SGCZ: variants seen among roughly 807,000 people sequenced by gnomAD.
The protein encoded by SGCZ is zeta-sarcoglycan.
SGCZ carries 40 observed loss-of-function variants against 41.3 expected under a neutral mutation model. That is an observed-to-expected ratio of 0.97 (90% CI 0.75 to 1.26). The LOEUF (loss-of-function observed/expected upper bound fraction) is 1.26. Ranked by LOEUF, SGCZ falls within the 50% of genes most tolerant of loss-of-function variation. The pLI, the probability that SGCZ is intolerant of heterozygous loss-of-function variation, is 0.00. For synonymous variants in SGCZ, 206 were observed against 137.5 expected (o/e 1.50, Z -3.49); for missense variants, 552 against 369.8 (o/e 1.49, Z -4.04).
At chr8:14,895,051 G>T (rs1805143410) in intron 1 of SGCZ, among the ~76,000 whole-genome samples, 1 of 152,136 alleles carries the variant, frequency 6.6e-6, no homozygotes, top group African/African-American at 2.4e-5. Flanking sequence ...GTTGTATTAG[G>T]AATAACATGA....
chr8:14,407,232 C>G (rs141604983), intron 2 of SGCZ, among the ~76,000 whole-genome samples: 2 of 151,890 alleles, frequency 1.3e-5, no homozygotes, highest in East Asian at 3.9e-4. Context: ...CCATGCCCAG[C>G]TAATTTTTAT....
intron 2 of SGCZ, among the ~76,000 whole-genome samples, chr8:14,542,461 G>C (rs563560115): frequency 2.0e-5 from 3 of 152,126 alleles, no homozygotes; most frequent in Non-Finnish European, 4.4e-5. Context: ...GAAACAAAAG[G>C]AAACCTTACA....
intron 3 of SGCZ, among the ~76,000 whole-genome samples, chr8:14,281,306 G>A (rs1450552411): frequency 6.6e-6 from 1 of 151,802 alleles, no homozygotes; most frequent in Non-Finnish European, 1.5e-5. Context: ...TTATGTGCTA[G>A]GCCTTAGGTC....
chr8:14,351,057 T>C (rs1349304491), intron 2 of SGCZ, among the ~76,000 whole-genome samples: 1 of 152,142 alleles, frequency 6.6e-6, no homozygotes, highest in Admixed American at 6.6e-5. Flanking sequence ...ACTTCTGCAA[T>C]ACTTCTGTAG....
chr8:14,228,765 T>G (rs896603911), intron 4 of SGCZ, among the ~76,000 whole-genome samples: 1 of 152,094 alleles, frequency 6.6e-6, no homozygotes, highest in Admixed American at 6.6e-5. Context: ...CCCTCAAGAC[T>G]AGAATTACTT....
At chr8:14,802,745 C>T (rs950763793) in intron 1 of SGCZ, among the ~76,000 whole-genome samples, 1 of 151,990 alleles carries the variant, frequency 6.6e-6, no homozygotes. Flanking sequence ...ATTGTGGAGC[C>T]CTAAGGAGTT....
At chr8:14,129,942 C>G (rs1012910577) in intron 5 of SGCZ, among the ~76,000 whole-genome samples, 2 of 152,100 alleles carry the variant, frequency 1.3e-5, no homozygotes, top group Non-Finnish European at 2.9e-5. Flanking sequence ...CAATGCAATC[C>G]TTATCAAAAT....
chr8:14,722,460 T>G (rs76079150), intron 1 of SGCZ, among the ~76,000 whole-genome samples: 9,318 of 152,100 alleles, frequency 0.061, 820 homozygotes, highest in African/African-American at 0.2. Flanking sequence ...ATTATTATAA[T>G]AAAACAAAAT....
intron 1 of SGCZ, among the ~76,000 whole-genome samples, chr8:14,785,652 A>T (rs1800746573): frequency 6.6e-6 from 1 of 152,176 alleles, no homozygotes; most frequent in Non-Finnish European, 1.5e-5. Flanking sequence ...CAGTACCATA[A>T]CTTTAAAGAT....
At chr8:14,839,520 C>T (rs1802826986) in intron 1 of SGCZ, among the ~76,000 whole-genome samples, 1 of 152,136 alleles carries the variant, frequency 6.6e-6, no homozygotes, top group African/African-American at 2.4e-5. Context: ...GTAATTATAA[C>T]CAAAGCACTA....
At chr8:14,880,507 T>A (rs536905213) in intron 1 of SGCZ, among the ~76,000 whole-genome samples, 1 of 152,264 alleles carries the variant, frequency 6.6e-6, no homozygotes, top group South Asian at 2.1e-4. Context: ...CGCACACGTA[T>A]GTTTACTGCG....
At position 14,769,627 on chromosome 8, in the gene SGCZ, A is replaced by G. The variant is rs189219568; in HGVS notation, c.40-214701T>C. On this transcript the variant is annotated intron_variant, in intron 1 of 7. Coordinates refer to ENST00000382080, the MANE Select transcript of SGCZ (RefSeq NM_139167.4). ...GCCAGCATGGCGAAACCCAGTCTCT[A>G]CTAAAAATACAAAAATTAGCTGGGC... is the stretch of plus-strand genomic sequence containing the variant. 1.8e-3 allele frequency among the ~76,000 whole-genome samples: 272 copies of G among 152,012 alleles called. 5 individuals are homozygous for G. The highest frequency in any genetic ancestry group is 6.2e-3 in the African/African-American group (257 of 41,448).
At chr8:14,193,954 C>T (rs1471263924) in intron 4 of SGCZ, among the ~76,000 whole-genome samples, 2 of 151,612 alleles carry the variant, frequency 1.3e-5, no homozygotes, top group Non-Finnish European at 3.0e-5. Flanking sequence ...GACAATGAAA[C>T]TGGAGGGATA....
At chr8:14,744,968 A>G (rs182701613) in intron 1 of SGCZ, among the ~76,000 whole-genome samples, 10 of 152,262 alleles carry the variant, frequency 6.6e-5, no homozygotes, top group Non-Finnish European at 8.8e-5. Context: ...TCCTTGAAGG[A>G]ATGTTTTACT....
intron 1 of SGCZ, among the ~76,000 whole-genome samples, chr8:14,790,630 C>T (rs114241780): frequency 1.3e-3 from 192 of 152,060 alleles, no homozygotes; most frequent in African/African-American, 4.1e-3. Context: ...TCCAATAATA[C>T]GGAGATAGTT....
At chr8:14,146,890 A>AAAAAAAAAT (rs1182329393) in intron 5 of SGCZ, among the ~76,000 whole-genome samples, 1 of 116,184 alleles carries the variant, frequency 8.6e-6, no homozygotes, top group African/African-American at 3.6e-5. Context: ...AAAATAAAAA[A>AAAAAAAAAT]AATAATAATA....
chr8:15,126,656 G>A (rs1182940600), intron 1 of SGCZ, among the ~76,000 whole-genome samples: 1 of 152,222 alleles, frequency 6.6e-6, no homozygotes, highest in Admixed American at 6.5e-5. Flanking sequence ...AAAATGCCCA[G>A]TGTTGGGTAG....
chr8:15,108,789 A>G (rs999491895), intron 1 of SGCZ, among the ~76,000 whole-genome samples: 3 of 152,304 alleles, frequency 2.0e-5, no homozygotes, highest in Admixed American at 2.0e-4. Flanking sequence ...GAATACGTCT[A>G]TGCTGTGTGG....
chr8:14,946,834 C>T (rs1012301227), intron 1 of SGCZ, among the ~76,000 whole-genome samples: 1 of 151,968 alleles, frequency 6.6e-6, no homozygotes, highest in Non-Finnish European at 1.5e-5. Context: ...CACCACCACG[C>T]CCAGCTAATT....
Sources: gnomAD v4.1 joint callset for allele counts (sites outside exome capture counted in the v4.1 genomes callset) on GRCh38, gnomAD v4.1.1 for gene constraint, MANE v1.5 for transcripts, NCBI Gene and HGNC (gene_info 2026-07-23, HGNC 2026-07-21) for gene names.